Variants in EPHB2 observed in about 807,000 individuals in gnomAD.
EPHB2 encodes EPH receptor B2.
Under a neutral mutation model 96.4 loss-of-function variants are expected in EPHB2, and 18 were observed. The ratio of observed to expected loss-of-function variants is 0.19; its 90% CI spans 0.13 to 0.28. The LOEUF is 0.28. Ranked by LOEUF, EPHB2 falls within the 10% of genes least tolerant of loss-of-function variation. The pLI is 1.00. For missense variants in EPHB2, 989 were observed against 1,355.4 expected, an observed-to-expected ratio of 0.73 and a Z score of 4.25; for synonymous variants, 506 against 534.1, an observed-to-expected ratio of 0.95 and a Z score of 0.72.
rs1051291895 is a variant in EPHB2 at position 22,914,823 on chromosome 1, C to T, written c.*1253C>T. On this transcript the variant is annotated 3_prime_UTR_variant, in exon 16 of 16. Coordinates refer to ENST00000374630, the MANE Select transcript of EPHB2 (RefSeq NM_017449.5). Reference sequence around the variant, plus strand: ...GATTTGGGTGTGGAGGGGGAGGCGCCAAGGTGGAGGAGCTTCCCACTCCAG... The same window carrying T: ...GATTTGGGTGTGGAGGGGGAGGCGCTAAGGTGGAGGAGCTTCCCACTCCAG... 2 of 152,576 alleles carry T rather than the reference C, an allele frequency of 1.3e-5. No individual in the cohort carries two copies. Among genetic ancestry groups the T allele is most frequent in the Non-Finnish European group, 2.9e-5 (2 of 68,036 alleles). The allele number at this position is 152,576 out of a possible 1,614,324, so 9.5% of individuals were successfully genotyped here.
At chr1:22,726,162 C>A (rs1332704656) in intron 1 of EPHB2, among the ~76,000 whole-genome samples, 1 of 152,208 alleles carries the variant, frequency 6.6e-6, no homozygotes. Context: ...AGAATTATAT[C>A]CCAGTAGAGG....
intron 3 of EPHB2, among the ~76,000 whole-genome samples, chr1:22,824,977 G>A (rs1645203396): frequency 6.6e-6 from 1 of 152,230 alleles, no homozygotes; most frequent in Non-Finnish European, 1.5e-5. Context: ...GGGACTTGGG[G>A]ATGGGACACT....
intron 3 of EPHB2, among the ~76,000 whole-genome samples, chr1:22,809,456 T>C (rs900136046): frequency 6.6e-6 from 1 of 152,234 alleles, no homozygotes; most frequent in Non-Finnish European, 1.5e-5. Context: ...TATTCATCCT[T>C]ATTAGTATCT....
chr1:22,910,234 C>T, intron 13 of EPHB2, 148 bp from the exon 14 acceptor site: 4 of 990,190 alleles, frequency 4.0e-6, no homozygotes, highest in Non-Finnish European at 4.6e-6. Context: ...TCATCCCATC[C>T]CTGGGGCTGC....
At chr1:22,721,875 C>T (rs181896336) in intron 1 of EPHB2, among the ~76,000 whole-genome samples, 2 of 152,160 alleles carry the variant, frequency 1.3e-5, no homozygotes, top group Non-Finnish European at 2.9e-5. Flanking sequence ...TTCAGCCTCC[C>T]AAAGTGCTGG....
chr1:22,826,238 A>G (rs992005488), intron 3 of EPHB2, among the ~76,000 whole-genome samples: 1 of 152,016 alleles, frequency 6.6e-6, no homozygotes, highest in African/African-American at 2.4e-5. Flanking sequence ...TAGATAGTGC[A>G]CTCTTTAGAA....
At chr1:22,837,143 G>A (rs756130069) in intron 3 of EPHB2, among the ~76,000 whole-genome samples, 1 of 152,204 alleles carries the variant, frequency 6.6e-6, no homozygotes, top group Admixed American at 6.5e-5. Flanking sequence ...TGGGAGAGCT[G>A]TCAGTCATTC....
chr1:22,849,419 G>A (rs1221946161), intron 3 of EPHB2, among the ~76,000 whole-genome samples: 3 of 152,080 alleles, frequency 2.0e-5, no homozygotes, highest in Admixed American at 6.6e-5. Flanking sequence ...GCTCCCTGAG[G>A]TCAGGGCCTG....
Position 22,774,606 on chromosome 1 carries a change from G to A in EPHB2, c.62-6815G>A, listed in dbSNP as rs115477310. ...AAGCAGGAGGAAATTTTGGATGGCT[G>A]GATACGAGAGACACGGAAGACGGTG... On this transcript the variant is annotated intron_variant, in intron 1 of 15. Transcript: ENST00000374630. 298 of 985,314 alleles carry A rather than the reference G, an allele frequency of 3.0e-4. 2 individuals carry two copies. The African/African-American group carries it at 4.6e-3, about 15-fold the overall frequency. 61.0% of individuals were successfully genotyped at this position (985,314 alleles called of 1,614,324 possible).
chr1:22,887,868 G>A (rs905703719), intron 6 of EPHB2, among the ~76,000 whole-genome samples: 8 of 152,164 alleles, frequency 5.3e-5, no homozygotes, highest in African/African-American at 1.9e-4. Flanking sequence ...GTTGGAGGAT[G>A]GGGGGTGAAA....
In EPHB2 at chr1:22,781,401, A is replaced by ACTCTTTGC; in HGVS notation, c.62-19_62-12dup. 6.2e-7 allele frequency: 1 copy of ACTCTTTGC among 1,612,840 alleles called. No homozygotes were observed. Among genetic ancestry groups the ACTCTTTGC allele is most frequent in the Non-Finnish European group, 8.5e-7 (1 of 1,179,676 alleles). On this transcript the variant is annotated intron_variant, in intron 1 of 15. Transcript: ENST00000374630. ...GCCTGGTAGGTGGGGCGGGGTGGTG[A>ACTCTTTGC]CTCTTTGCTCTCCCCACAGAAACGC...
At chr1:22,885,775 A>AG (rs1194335010) in intron 6 of EPHB2, among the ~76,000 whole-genome samples, 3 of 152,028 alleles carry the variant, frequency 2.0e-5, no homozygotes, top group African/African-American at 7.2e-5. Flanking sequence ...ATAAATGGTG[A>AG]GGGGGGTCAG....
At position 22,913,612 on chromosome 1, in the gene EPHB2, C is replaced by T; in HGVS notation, c.*42C>T. The T allele has an allele frequency of 1.2e-6, 2 of 1,612,222 alleles. No individual in the cohort carries two copies. Among genetic ancestry groups the T allele is most frequent in the Non-Finnish European group, 1.7e-6 (2 of 1,179,158 alleles). On this transcript the variant is annotated 3_prime_UTR_variant, in exon 16 of 16. Transcript: ENST00000374630. The surrounding 1 kb of genome is among the most constrained non-coding windows in gnomAD (Gnocchi z 4.1). ...CTCACCTCTTCCTCCAAGCCCCGCC[C>T]CCTCTGCCCCACGTGCCGGCCCTCC...
rs144994783 is a variant in EPHB2, at chr1:22,854,821, G to A, written c.812-8216G>A. ...GGAGGAGGACCAGGCATCATGCCCA[G>A]CCCAGCCCAGCCCAGAGGGACTGAC... On this transcript the variant is annotated intron_variant, in intron 3 of 15. Coordinates refer to ENST00000374630, the MANE Select transcript of EPHB2 (RefSeq NM_017449.5). Among the ~76,000 whole-genome samples the A allele has an allele frequency of 1.2e-3, 179 of 152,256 alleles. 1 individual carries two copies. Among genetic ancestry groups the A allele is most frequent in the African/African-American group, 4.2e-3 (176 of 41,548 alleles).
intron 1 of EPHB2, among the ~76,000 whole-genome samples, chr1:22,742,792 T>C (rs1459978141): frequency 6.6e-6 from 1 of 151,906 alleles, no homozygotes; most frequent in East Asian, 1.9e-4. Flanking sequence ...ACTGACTTTC[T>C]TTTCTAAGTG....
At chr1:22,746,850 T>C (rs1162192295) in intron 1 of EPHB2, among the ~76,000 whole-genome samples, 1 of 152,030 alleles carries the variant, frequency 6.6e-6, no homozygotes, top group Non-Finnish European at 1.5e-5. Flanking sequence ...CACTTCCCTC[T>C]GCACCCTCCT....
At chr1:22,726,524 G>A (rs939700904) in intron 1 of EPHB2, among the ~76,000 whole-genome samples, 1 of 151,672 alleles carries the variant, frequency 6.6e-6, no homozygotes. Flanking sequence ...AGGTTCAAGC[G>A]ATTCTCCTGC....
chr1:22,746,147 T>C (rs1364055035), intron 1 of EPHB2, among the ~76,000 whole-genome samples: 1 of 152,150 alleles, frequency 6.6e-6, no homozygotes, highest in African/African-American at 2.4e-5. Context: ...ACCAGACACC[T>C]GCCCTATGGA....
At chr1:22,801,304 A>G (rs1252248603) in intron 3 of EPHB2, among the ~76,000 whole-genome samples, 1 of 151,846 alleles carries the variant, frequency 6.6e-6, no homozygotes, top group Non-Finnish European at 1.5e-5. Flanking sequence ...CCAGCAGAGG[A>G]GCTTTGGGAA....
Sources: gnomAD v4.1 joint callset for allele counts (sites outside exome capture counted in the v4.1 genomes callset) on GRCh38, gnomAD v4.1.1 for gene constraint, Gnocchi (gnomAD v3.1) non-coding constraint, MANE v1.5 for transcripts, NCBI Gene and HGNC (gene_info 2026-07-23, HGNC 2026-07-21) for gene names.